BCHE: variants seen among roughly 807,000 people sequenced by gnomAD.
BCHE encodes the protein cholinesterase.
In BCHE, 48 loss-of-function variants were observed where a neutral mutation model predicts 51.3. The observed-to-expected ratio is 0.94, with a 90% confidence interval of 0.74 to 1.19. The LOEUF is 1.19. Among genes scored for constraint, BCHE ranks in the 50% most tolerant of loss-of-function variants. The probability of loss-of-function intolerance (pLI) is 0.00; values close to 1 mark genes in which losing one functional copy is unlikely to be tolerated. For missense variants in BCHE, 847 were observed against 708.2 expected, an observed-to-expected ratio of 1.20 and a Z score of -2.23; for synonymous variants, 251 against 238.0, an observed-to-expected ratio of 1.05 and a Z score of -0.50.
At chr3:165,809,370 G>A (rs576321128) in intron 2 of BCHE, among the ~76,000 whole-genome samples, 17 of 152,150 alleles carry the variant, frequency 1.1e-4, no homozygotes, top group Non-Finnish European at 2.4e-4. Context: ...TTTTGTGAAA[G>A]CATTACACTA....
chr3:165,778,787 A>T (rs894373043), intron 3 of BCHE: 7 of 392,446 alleles, frequency 1.8e-5, no homozygotes, highest in Non-Finnish European at 3.8e-5. Context: ...TTAAAAGATA[A>T]ATTATATTTC....
chr3:165,792,135 A>AT lies in BCHE; in HGVS notation c.1518-5825dup, dbSNP rs576755249. ...ATCCACCAGTTCTTACTTAACATGCATTTTTTTATTGGAATGACCTTGCCT... is the reference window on the plus strand; with the variant it reads ...ATCCACCAGTTCTTACTTAACATGCATTTTTTTTATTGGAATGACCTTGCCT... On this transcript the variant is annotated intron_variant, in intron 2 of 3. Transcript: ENST00000264381. 2.2e-3 allele frequency among the ~76,000 whole-genome samples: 334 copies of AT among 152,124 alleles called. 1 individual carries two copies. Among genetic ancestry groups the AT allele is most frequent in the African/African-American group, 7.0e-3 (290 of 41,518 alleles).
intron 2 of BCHE, among the ~76,000 whole-genome samples, chr3:165,821,444 A>C (rs1052037266): frequency 6.6e-6 from 1 of 151,748 alleles, no homozygotes; most frequent in South Asian, 2.1e-4. Context: ...ATTAAAAAAA[A>C]AGAGAGAGAG....
At chr3:165,793,320 C>G (rs1713245309) in intron 2 of BCHE, among the ~76,000 whole-genome samples, 1 of 152,178 alleles carries the variant, frequency 6.6e-6, no homozygotes, top group Admixed American at 6.5e-5. Flanking sequence ...AGCTCCTTGT[C>G]CTATTCTCCT....
At chr3:165,810,623 G>T (rs1714055455) in intron 2 of BCHE, among the ~76,000 whole-genome samples, 1 of 152,144 alleles carries the variant, frequency 6.6e-6, no homozygotes, top group Admixed American at 6.6e-5. Flanking sequence ...AACACCACTA[G>T]TCGACGTGCT....
intron 2 of BCHE, among the ~76,000 whole-genome samples, chr3:165,828,928 A>T (rs4518174): frequency 6.6e-6 from 1 of 152,004 alleles, no homozygotes; most frequent in South Asian, 2.1e-4. Context: ...CTTAGCTAAA[A>T]CCTCATGGCC....
chr3:165,778,915 A>AT (rs59808331), intron 3 of BCHE, among the ~76,000 whole-genome samples: 1 of 151,796 alleles, frequency 6.6e-6, no homozygotes, highest in African/African-American at 2.4e-5. Flanking sequence ...TCTATTTATA[A>AT]TTTTTTTTCT....
chr3:165,816,841 C>T (rs1423195059), intron 2 of BCHE, among the ~76,000 whole-genome samples: 3 of 151,932 alleles, frequency 2.0e-5, no homozygotes, highest in African/African-American at 7.2e-5. Flanking sequence ...TGTGTTTTAT[C>T]TAAAACCTCC....
At chr3:165,827,333 A>G (rs1714760955) in intron 2 of BCHE, among the ~76,000 whole-genome samples, 1 of 151,952 alleles carries the variant, frequency 6.6e-6, no homozygotes, top group South Asian at 2.1e-4. Flanking sequence ...TTTACAGTTT[A>G]ACTCTTTATA....
chr3:165,791,367 G>A (rs1234784147), intron 2 of BCHE, among the ~76,000 whole-genome samples: 1 of 152,156 alleles, frequency 6.6e-6, no homozygotes. Flanking sequence ...GTAGTGCTGG[G>A]AATAACTACA....
rs747983616 is a variant in BCHE at position 165,830,366 on chromosome 3, AAG to A, written c.666_667del (p.Phe223TrpfsTer10). ...TGAAGCTGCTCCTGCACTTTCTCCA[AAG>A]AGAGTTACACTTTTAGGATTTCCAC... On this transcript the variant is annotated frameshift_variant, in exon 2 of 4. Coordinates refer to ENST00000264381, the MANE Select transcript of BCHE (RefSeq NM_000055.4). LOFTEE classifies it high-confidence loss of function. 12 of 1,614,006 alleles carry A rather than the reference AAG, an allele frequency of 7.4e-6. 1 individual carries two copies. In the South Asian group the frequency reaches 8.8e-5, roughly 12 times the overall value.
Position 165,786,246 on chromosome 3 carries a change from T to C in BCHE, c.1583A>G (p.Tyr528Cys). The C allele has an allele frequency of 6.2e-7, 1 of 1,612,292 alleles. No homozygotes were observed. Among genetic ancestry groups the C allele is most frequent in the Non-Finnish European group, 8.5e-7 (1 of 1,178,734 alleles). Residue 528 changes from tyrosine (Y) to cysteine (C), a missense_variant, in exon 3 of 4, where the codon TAT (tyrosine) becomes TGT (cysteine). By Grantham distance (194) the Tyr-to-Cys change is radical (BLOSUM62 -2). Transcript: ENST00000264381. The stretch of plus-strand genomic sequence containing the variant: ...TGTTGACTCTGTATTCAAGGTTAGA[T>C]ATTTTTGTTCAGTGCTTTTGAAGAC... ...WPVFKSTEQKYLTLNTESTRI... is the reference protein window; with the variant it reads ...WPVFKSTEQKCLTLNTESTRI...
chr3:165,810,275 C>A (rs894096696), intron 2 of BCHE, among the ~76,000 whole-genome samples: 2 of 152,136 alleles, frequency 1.3e-5, no homozygotes, highest in Non-Finnish European at 2.9e-5. Flanking sequence ...ATTCTAGCAG[C>A]AGATTCTAGT....
chr3:165,789,354 A>C (rs1469215225), intron 2 of BCHE, among the ~76,000 whole-genome samples: 4 of 152,112 alleles, frequency 2.6e-5, no homozygotes, highest in Admixed American at 6.6e-5. Context: ...CTTGCTTGTC[A>C]TTGATATTTC....
chr3:165,818,216 G>A (rs1050017808), intron 2 of BCHE, among the ~76,000 whole-genome samples: 3 of 151,566 alleles, frequency 2.0e-5, no homozygotes, highest in Non-Finnish European at 2.9e-5. Context: ...ATGAAACAAA[G>A]CATATAATAT....
intron 1 of BCHE, among the ~76,000 whole-genome samples, chr3:165,835,692 G>T (rs1261456138): frequency 2.0e-5 from 3 of 151,894 alleles, no homozygotes; most frequent in Non-Finnish European, 4.4e-5. Context: ...GGATTCTTCA[G>T]CTATGCTTTA....
chr3:165,803,194 T>C (rs1327481207), intron 2 of BCHE, among the ~76,000 whole-genome samples: 15 of 152,202 alleles, frequency 9.9e-5, no homozygotes, highest in Admixed American at 9.8e-4. Context: ...GACTACCTAA[T>C]ATGTGCCTAA....
intron 2 of BCHE, among the ~76,000 whole-genome samples, chr3:165,790,812 C>T (rs1004012593): frequency 1.4e-5 from 2 of 141,518 alleles, no homozygotes; most frequent in East Asian, 2.2e-4. Flanking sequence ...GAGAAAAACA[C>T]GTGCTTAGAG....
At chr3:165,777,961 A>G (rs533079916) in intron 3 of BCHE, among the ~76,000 whole-genome samples, 13 of 152,278 alleles carry the variant, frequency 8.5e-5, no homozygotes, top group Middle Eastern at 3.4e-3. Flanking sequence ...AAAATATGTT[A>G]ATCAAATGTT....
Sources: gnomAD v4.1 joint callset for allele counts (sites outside exome capture counted in the v4.1 genomes callset) on GRCh38, gnomAD v4.1.1 for gene constraint, MANE v1.5 for transcripts, NCBI Gene and HGNC (gene_info 2026-07-23, HGNC 2026-07-21) for gene names.